Variants in MYH15 observed in about 807,000 individuals in gnomAD.
The protein encoded by MYH15 is myosin-15.
MYH15 carries 227 observed loss-of-function variants against 240.5 expected under a neutral mutation model. The observed-to-expected ratio is 0.94, with a 90% CI of 0.85 to 1.05. The LOEUF (loss-of-function observed/expected upper bound fraction) is 1.05, where lower values mean the gene tolerates loss of function less well. Among genes scored for constraint, MYH15 ranks in the 50% least tolerant of loss-of-function variants. The pLI is 0.00. For missense variants in MYH15, 2,217 were observed against 2,247.5 expected (o/e 0.99, Z 0.27); for synonymous variants, 785 against 796.7 (o/e 0.99, Z 0.25).
At chr3:108,520,487 T>C (rs983437746) in intron 1 of MYH15, among the ~76,000 whole-genome samples, 1 of 152,156 alleles carries the variant, frequency 6.6e-6, no homozygotes, top group African/African-American at 2.4e-5. Context: ...CAGTCAACTT[T>C]GCCATTGTTT....
intron 1 of MYH15, among the ~76,000 whole-genome samples, chr3:108,509,263 G>A (rs2083502737): frequency 6.6e-6 from 1 of 152,156 alleles, no homozygotes; most frequent in Admixed American, 6.6e-5. Context: ...AGATTGCTAT[G>A]TTTTAAGTAA....
chr3:108,410,716 C>G lies in MYH15; in HGVS notation c.4362G>C (p.Glu1454Asp), dbSNP rs767396705. Reference sequence around the variant, plus strand: ...GAGAGGCATCCAGCAACGCCTGGGACTCCTCGTGCTTCTGCTTCCAGTCGG... The same window carrying G: ...GAGAGGCATCCAGCAACGCCTGGGAGTCCTCGTGCTTCTGCTTCCAGTCGG... Reference protein sequence around the residue: ...ALADWKQKHEESQALLDASQK... With the variant: ...ALADWKQKHEDSQALLDASQK... The change falls in exon 31 of 41, where the codon GAG becomes GAC. Residue 1454 changes from glutamate (E) to aspartate (D), a missense_variant. Transcript: ENST00000693548. 2.5e-6 allele frequency: 4 copies of G among 1,614,202 alleles called. No individual in the cohort carries two copies. The South Asian group carries it at 4.4e-5, about 18-fold the overall frequency.
At chr3:108,437,126 G>A (rs1003772536) in intron 25 of MYH15, among the ~76,000 whole-genome samples, 2 of 150,662 alleles carry the variant, frequency 1.3e-5, no homozygotes, top group African/African-American at 2.4e-5. Context: ...ATTAAGTTAT[G>A]TCTGGCAAAC....
intron 38 of MYH15, among the ~76,000 whole-genome samples, chr3:108,386,690 T>G (rs2082386381): frequency 6.6e-6 from 1 of 151,936 alleles, no homozygotes; most frequent in South Asian, 2.1e-4. Flanking sequence ...TCATCCTTCA[T>G]AGATGTTACT....
intron 1 of MYH15, among the ~76,000 whole-genome samples, chr3:108,518,070 C>A (rs1374171161): frequency 6.6e-6 from 1 of 152,128 alleles, no homozygotes; most frequent in Non-Finnish European, 1.5e-5. Context: ...GAAACAGTGC[C>A]AATATACTAT....
intron 2 of MYH15, among the ~76,000 whole-genome samples, chr3:108,503,800 A>G (rs1315933350): frequency 6.6e-6 from 1 of 152,220 alleles, no homozygotes; most frequent in Non-Finnish European, 1.5e-5. Flanking sequence ...ACTCCTAGCT[A>G]TACACCCAAG....
intron 6 of MYH15, 81 bp downstream of exon 6, chr3:108,497,971 C>T: frequency 8.0e-7 from 1 of 1,252,940 alleles, no homozygotes; most frequent in Non-Finnish European, 1.2e-6. Flanking sequence ...CCTCACTTCC[C>T]AAAAGTGGTC....
In MYH15 at chr3:108,505,838, C is replaced by CTAAA. The variant is rs2083471926; in HGVS notation, c.89-10_89-9insTTTA. On this transcript the variant is annotated splice_polypyrimidine_tract_variant and intron_variant, in intron 1 of 40. Coordinates refer to ENST00000693548, the MANE Select transcript of MYH15 (RefSeq NM_014981.3). ...CCAGCATTTCTTCTTCCCTGTAGAG[C>CTAAA]AAAAAAAAAAAAAAATGGATTATAG... The CTAAA allele has an allele frequency of 9.3e-7, 1 of 1,079,568 alleles. No individual in the cohort carries two copies. Among genetic ancestry groups the CTAAA allele is most frequent in the Non-Finnish European group, 1.3e-6 (1 of 792,346 alleles). 66.9% of individuals were successfully genotyped at this position (1,079,568 alleles called of 1,614,324 possible). A position where few individuals can be genotyped will look rare whatever the true frequency, so the allele number is the denominator to read the frequency against.
chr3:108,412,239 G>A (rs534348755), intron 30 of MYH15, among the ~76,000 whole-genome samples: 2 of 152,218 alleles, frequency 1.3e-5, no homozygotes, highest in East Asian at 3.9e-4. Flanking sequence ...TTTAATCATC[G>A]AGGCGGTAAC....
chr3:108,508,301 C>T (rs1270854672), intron 1 of MYH15, among the ~76,000 whole-genome samples: 3 of 152,120 alleles, frequency 2.0e-5, no homozygotes, highest in Non-Finnish European at 4.4e-5. Flanking sequence ...CATAGGAGAC[C>T]CAAACCCTGA....
chr3:108,532,224 T>A (rs914999756), upstream of MYH15, among the ~76,000 whole-genome samples: 3 of 151,992 alleles, frequency 2.0e-5, no homozygotes, highest in African/African-American at 7.2e-5. Flanking sequence ...ATTCTCGGTG[T>A]GTCTGTGAGG....
chr3:108,464,585 C>T, intron 15 of MYH15, 53 bp downstream of exon 15: 1 of 1,504,808 alleles, frequency 6.6e-7, no homozygotes, highest in Admixed American at 2.1e-5. Flanking sequence ...TGGCTGAGCG[C>T]ATTTGAAACA....
chr3:108,462,980 T>A, intron 16 of MYH15, 131 bp downstream of exon 16: 1 of 1,019,778 alleles, frequency 9.8e-7, no homozygotes, highest in Non-Finnish European at 1.4e-6. Flanking sequence ...GAAAGACTAA[T>A]AAGAGGGGAC....
chr3:108,431,886 G>A (rs1177723087), intron 25 of MYH15, among the ~76,000 whole-genome samples: 1 of 152,196 alleles, frequency 6.6e-6, no homozygotes, highest in Non-Finnish European at 1.5e-5. Context: ...GGGAACCAGA[G>A]CAAAGGTGAC....
At chr3:108,518,742 C>T (rs1340984683) in intron 1 of MYH15, among the ~76,000 whole-genome samples, 1 of 152,192 alleles carries the variant, frequency 6.6e-6, no homozygotes, top group Non-Finnish European at 1.5e-5. Flanking sequence ...CCTCATCTGG[C>T]TAATTCTTAA....
intron 7 of MYH15, among the ~76,000 whole-genome samples, chr3:108,493,628 T>C (rs996988472): frequency 2.6e-5 from 4 of 152,126 alleles, no homozygotes; most frequent in Non-Finnish European, 5.9e-5. Context: ...ACAAAAAAAA[T>C]AGACATGGCC....
intron 21 of MYH15, 42 bp from the exon 22 acceptor site, chr3:108,444,937 T>C: frequency 6.5e-7 from 1 of 1,546,634 alleles, no homozygotes; most frequent in Non-Finnish European, 8.7e-7. Context: ...TAGCCCTGAC[T>C]ATAGGAGAAT....
At chr3:108,399,396 A>G in intron 33 of MYH15, 129 bp from the exon 34 acceptor site, 1 of 770,114 alleles carries the variant, frequency 1.3e-6, no homozygotes, top group East Asian at 2.7e-5. Context: ...AGTAACTAAC[A>G]AAATGAGTCT....
At chr3:108,542,791 T>C in the MYH15 span, among the ~76,000 whole-genome samples, 2 of 152,138 alleles carry the variant, frequency 1.3e-5, no homozygotes, top group Non-Finnish European at 2.9e-5. Flanking sequence ...ACTGAGAACA[T>C]GCAGCGTTTG....
Sources: gnomAD v4.1 joint callset for allele counts (sites outside exome capture counted in the v4.1 genomes callset) on GRCh38, gnomAD v4.1.1 for gene constraint, MANE v1.5 for transcripts, NCBI Gene and HGNC (gene_info 2026-07-23, HGNC 2026-07-21) for gene names.